The following LRFN2 variants were observed in gnomAD, a reference collection of about 807,000 sequenced individuals.
The protein encoded by LRFN2 is leucine rich repeat and fibronectin type III domain containing 2.
A neutral mutation model predicts 37.3 loss-of-function variants in LRFN2; 18 were observed. The observed-to-expected ratio is 0.48, with a 90% confidence interval of 0.33 to 0.72. The LOEUF (loss-of-function observed/expected upper bound fraction) is 0.72, where lower values mean the gene tolerates loss of function less well. Ranked by LOEUF, LRFN2 falls within the 30% of genes least tolerant of loss-of-function variation. The pLI is 0.02. For missense variants in LRFN2, 1,006 were observed against 1,060.7 expected (o/e 0.95, Z 0.72); for synonymous variants, 556 against 466.6 (o/e 1.19, Z -2.47).
intron 2 of LRFN2, among the ~76,000 whole-genome samples, chr6:40,397,603 T>C (rs1762642971): frequency 6.6e-6 from 1 of 152,202 alleles, no homozygotes; most frequent in African/African-American, 2.4e-5. Flanking sequence ...CCTCTGACGC[T>C]GCCCACATTC....
chr6:40,444,185 A>G (rs1425759509), intron 1 of LRFN2, among the ~76,000 whole-genome samples: 1 of 152,226 alleles, frequency 6.6e-6, no homozygotes, highest in Non-Finnish European at 1.5e-5. Flanking sequence ...TAGCACAGAC[A>G]GGTAGTCCTT....
At chr6:40,574,177 G>A (rs1767235015) in intron 1 of LRFN2, among the ~76,000 whole-genome samples, 1 of 152,210 alleles carries the variant, frequency 6.6e-6, no homozygotes. Flanking sequence ...ATATGGTATA[G>A]ACAAACACTT....
chr6:40,565,347 C>T (rs897899737), intron 1 of LRFN2, among the ~76,000 whole-genome samples: 7 of 152,128 alleles, frequency 4.6e-5, no homozygotes, highest in Non-Finnish European at 1.0e-4. Flanking sequence ...CCCCATCAAG[C>T]TACCAATGAC....
intron 1 of LRFN2, among the ~76,000 whole-genome samples, chr6:40,553,404 C>T (rs1016268117): frequency 6.6e-6 from 1 of 152,174 alleles, no homozygotes; most frequent in Non-Finnish European, 1.5e-5. Context: ...TGAGTCACGT[C>T]AAAGGAAAGC....
intron 1 of LRFN2, among the ~76,000 whole-genome samples, chr6:40,444,490 T>C (rs563306605): frequency 2.0e-5 from 3 of 152,346 alleles, no homozygotes; most frequent in African/African-American, 7.2e-5. Flanking sequence ...AACACCAGGC[T>C]CCATTACCCT....
In LRFN2 at chr6:40,392,284, T is replaced by C; in HGVS notation, c.2029A>G (p.Arg677Gly). ...SQRKEELLDS[R>G]TPAGRGAGTS... Reference sequence around the variant, plus strand: ...CCAGCCCCTCTCCCGGCTGGAGTCCTGGAGTCCAGCAGCTCCTCCTTTCTC... The same window carrying C: ...CCAGCCCCTCTCCCGGCTGGAGTCCCGGAGTCCAGCAGCTCCTCCTTTCTC... Residue 677 changes from arginine to glycine, a missense_variant, in exon 3 of 3, where the codon AGG becomes GGG. By Grantham distance (125) the Arg-to-Gly change is moderately radical. This residue lies in a region of LRFN2 where 398 missense variants were observed against 327.6 expected (regional missense o/e 1.21). Coordinates refer to ENST00000338305, the MANE Select transcript of LRFN2 (RefSeq NM_020737.3). The surrounding 1 kb of genome is among the most constrained non-coding windows in gnomAD (Gnocchi z 4.7). 2 of 1,606,238 alleles carry C rather than the reference T, an allele frequency of 1.2e-6. No individual in the cohort carries two copies. The highest frequency in any genetic ancestry group is 1.3e-5 in the African/African-American group (1 of 74,908).
chr6:40,550,721 A>G (rs752063883), intron 1 of LRFN2, among the ~76,000 whole-genome samples: 6 of 151,414 alleles, frequency 4.0e-5, no homozygotes, highest in African/African-American at 7.3e-5. Flanking sequence ...CCACTGGTGT[A>G]TATTGGGTGT....
chr6:40,441,371 C>T (rs73430927), intron 1 of LRFN2, among the ~76,000 whole-genome samples: 3,885 of 152,054 alleles, frequency 0.026, 156 homozygotes, highest in African/African-American at 0.086. Context: ...TGTGTGACAG[C>T]GCTCCTGAGG....
At chr6:40,505,303 G>A (rs751603510) in intron 1 of LRFN2, among the ~76,000 whole-genome samples, 7 of 152,132 alleles carry the variant, frequency 4.6e-5, no homozygotes, top group African/African-American at 1.7e-4. Context: ...GTGCGTGCTC[G>A]TTTGCTTTTT....
intron 1 of LRFN2, among the ~76,000 whole-genome samples, chr6:40,490,309 T>A (rs901672776): frequency 6.6e-6 from 1 of 152,214 alleles, no homozygotes; most frequent in African/African-American, 2.4e-5. Context: ...TTACTATTAT[T>A]TATGGCCGTG....
At chr6:40,533,374 A>AACACAC (rs58462773) in intron 1 of LRFN2, among the ~76,000 whole-genome samples, 4,504 of 143,018 alleles carry the variant, frequency 0.031, 134 homozygotes, top group African/African-American at 0.086. Context: ...TCTTGCTCAA[A>AACACAC]ACACACACAC....
At position 40,392,064 on chromosome 6, in the gene LRFN2, T is replaced by G. The variant is rs933101723; in HGVS notation, c.2249A>C (p.Asn750Thr). 5 of 1,614,086 alleles carry G rather than the reference T, an allele frequency of 3.1e-6. No individual in the cohort carries two copies. Among genetic ancestry groups the G allele is most frequent in the Non-Finnish European group, 4.2e-6 (5 of 1,180,006 alleles). The change falls in exon 3 of 3, where the codon AAC becomes ACC. Residue 750 changes from asparagine (N) to threonine (T), a missense_variant. This residue lies in a region of LRFN2 where 398 missense variants were observed against 327.6 expected (regional missense o/e 1.21). Coordinates refer to ENST00000338305, the MANE Select transcript of LRFN2 (RefSeq NM_020737.3). The surrounding 1 kb of genome is among the most constrained non-coding windows in gnomAD (Gnocchi z 4.7). ...GGYSPPRKVS[N>T]IWTKRSLSVN... ...AGAGAGGCTGCGCTTCGTCCAGATG[T>G]TCGAGACCTTCCGAGGAGGACTGTA...
chr6:40,524,331 G>A (rs1266083481), intron 1 of LRFN2, among the ~76,000 whole-genome samples: 1 of 151,998 alleles, frequency 6.6e-6, no homozygotes, highest in African/African-American at 2.4e-5. Context: ...TGCCTGCCCT[G>A]ATAACTGATG....
At chr6:40,477,670 G>T (rs1246892393) in intron 1 of LRFN2, among the ~76,000 whole-genome samples, 2 of 152,090 alleles carry the variant, frequency 1.3e-5, no homozygotes, top group Non-Finnish European at 2.9e-5. Context: ...ACAATTCCCT[G>T]GTGGCCTCAG....
chr6:40,413,165 C>CGCT (rs776286940), intron 2 of LRFN2, among the ~76,000 whole-genome samples: 3 of 152,172 alleles, frequency 2.0e-5, no homozygotes, highest in Non-Finnish European at 4.4e-5. Context: ...AGTGATTTAC[C>CGCT]GCTGCCTTTA....
chr6:40,572,894 G>T (rs1767212576), intron 1 of LRFN2, among the ~76,000 whole-genome samples: 1 of 152,158 alleles, frequency 6.6e-6, no homozygotes, highest in Non-Finnish European at 1.5e-5. Flanking sequence ...GCTGGGGGAA[G>T]GATCGGATAA....
At chr6:40,564,980 G>A (rs545542650) in intron 1 of LRFN2, among the ~76,000 whole-genome samples, 1 of 152,232 alleles carries the variant, frequency 6.6e-6, no homozygotes, top group South Asian at 2.1e-4. Context: ...GACCATTTGA[G>A]ACAAAGACTC....
chr6:40,463,241 T>A (rs1764384015), intron 1 of LRFN2, among the ~76,000 whole-genome samples: 1 of 152,184 alleles, frequency 6.6e-6, no homozygotes, highest in Non-Finnish European at 1.5e-5. Flanking sequence ...TCATACTTTG[T>A]CCTAAGTTAT....
intron 1 of LRFN2, among the ~76,000 whole-genome samples, chr6:40,475,949 GGT>G (rs1017606724): frequency 3.9e-5 from 6 of 152,142 alleles, no homozygotes; most frequent in African/African-American, 1.4e-4. Context: ...CTAGAGTGGT[GGT>G]GTGACTTTCC....
Sources: gnomAD v4.1 joint callset for allele counts (sites outside exome capture counted in the v4.1 genomes callset) on GRCh38, gnomAD v4.1.1 for gene constraint, gnomAD v4.1.1 regional missense constraint, Gnocchi (gnomAD v3.1) non-coding constraint, MANE v1.5 for transcripts, NCBI Gene and HGNC (gene_info 2026-07-23, HGNC 2026-07-21) for gene names.